Variants in SH3D19 observed in about 807,000 individuals in gnomAD.
The protein encoded by SH3D19 is SH3 domain containing 19, also known as SH3 domain-containing protein 19.
Under a neutral mutation model 112.1 loss-of-function variants are expected in SH3D19, and 58 were observed. The ratio of observed to expected loss-of-function variants is 0.52; its 90% CI spans 0.42 to 0.64. SH3D19 has a LOEUF of 0.64. Among genes scored for constraint, SH3D19 ranks in the 30% least tolerant of loss-of-function variants. The pLI is 0.00. For missense variants in SH3D19, 1,090 were observed against 1,263.4 expected (o/e 0.86, Z 2.08); for synonymous variants, 391 against 448.5 (o/e 0.87, Z 1.62).
intron 3 of SH3D19, among the ~76,000 whole-genome samples, chr4:151,181,107 C>T (rs986640364): frequency 6.6e-6 from 1 of 152,004 alleles, no homozygotes; most frequent in African/African-American, 2.4e-5. Flanking sequence ...TTCTAAAGAT[C>T]TCTTTGGGGA....
chr4:151,297,531 T>C (rs930001922), intron 1 of SH3D19, among the ~76,000 whole-genome samples: 7 of 152,214 alleles, frequency 4.6e-5, no homozygotes, highest in African/African-American at 1.2e-4. Context: ...AGTTGGGTAG[T>C]AGAAGCAAGA....
At chr4:151,275,968 G>A (rs186999268) in intron 1 of SH3D19, among the ~76,000 whole-genome samples, 1 of 151,406 alleles carries the variant, frequency 6.6e-6, no homozygotes, top group African/African-American at 2.4e-5. Flanking sequence ...TCAGCCTCCC[G>A]AGTAGCTGTG....
intron 2 of SH3D19, 31 bp from the exon 3 acceptor site, chr4:151,187,494 T>A (rs1761978931): frequency 8.3e-7 from 1 of 1,202,608 alleles, no homozygotes; most frequent in Non-Finnish European, 1.0e-6. Context: ...TATTATACAT[T>A]CATTAATCCT....
At chr4:151,281,141 C>G (rs891355675) in intron 1 of SH3D19, among the ~76,000 whole-genome samples, 1 of 152,068 alleles carries the variant, frequency 6.6e-6, no homozygotes, top group African/African-American at 2.4e-5. Flanking sequence ...CAGATTAGAA[C>G]AAGAGAGCAG....
chr4:151,156,381 A>G (rs1454003818), intron 9 of SH3D19, among the ~76,000 whole-genome samples: 1 of 152,226 alleles, frequency 6.6e-6, no homozygotes, highest in Non-Finnish European at 1.5e-5. Flanking sequence ...TCCTGAGCCA[A>G]AAGAACAAAG....
In SH3D19 at chr4:151,291,323, T is replaced by C. The variant is rs117303916; in HGVS notation, c.112+33918A>G. 2,083 of 1,613,996 alleles carry C rather than the reference T, an allele frequency of 1.3e-3. 14 individuals are homozygous for C. In the Admixed American group the frequency reaches 0.016, roughly 13 times the overall value. On this transcript the variant is annotated intron_variant, in intron 1 of 19. Coordinates refer to ENST00000604030, the MANE Select transcript of SH3D19 (RefSeq NM_001378122.1). The stretch of plus-strand genomic sequence containing the variant: ...TTGTTCCCTATTGTCCTACTCTCTC[T>C]GGCTCTCCTGCGTCCCTCCTGTGCC...
intron 1 of SH3D19, chr4:151,282,344 G>A: frequency 3.7e-6 from 6 of 1,613,900 alleles, no homozygotes; most frequent in Non-Finnish European, 5.1e-6. Context: ...CTTGCCCAGT[G>A]TCACAAAGCA....
At chr4:151,151,623 C>T (rs1755077761) in intron 9 of SH3D19, among the ~76,000 whole-genome samples, 1 of 152,110 alleles carries the variant, frequency 6.6e-6, no homozygotes, top group Non-Finnish European at 1.5e-5. Flanking sequence ...ACAAATTAAG[C>T]TTGCCCTTAA....
chr4:151,149,455 C>A, intron 10 of SH3D19, 45 bp downstream of exon 10: 1 of 1,494,992 alleles, frequency 6.7e-7, no homozygotes, highest in Non-Finnish European at 9.3e-7. Flanking sequence ...AGAGTTGGGT[C>A]TCTGAGTCAT....
intron 1 of SH3D19, among the ~76,000 whole-genome samples, chr4:151,310,094 T>C (rs1338949013): frequency 6.9e-6 from 1 of 144,072 alleles, no homozygotes; most frequent in African/African-American, 2.6e-5. Context: ...AGAAAGTCAG[T>C]TGAGCATGGT....
chr4:151,195,371 C>CAAAAAAAAA (rs58618820), intron 2 of SH3D19, among the ~76,000 whole-genome samples: 3 of 66,774 alleles, frequency 4.5e-5, no homozygotes, highest in African/African-American at 7.3e-5. Flanking sequence ...GACTCTGTCT[C>CAAAAAAAAA]AAAAAAAAAA....
At chr4:151,205,465 G>A (rs1485363619) in intron 2 of SH3D19, among the ~76,000 whole-genome samples, 1 of 152,196 alleles carries the variant, frequency 6.6e-6, no homozygotes, top group Non-Finnish European at 1.5e-5. Flanking sequence ...TGAACTGTGT[G>A]AGGAGTCTGG....
intron 12 of SH3D19, among the ~76,000 whole-genome samples, chr4:151,142,123 G>A (rs1337706192): frequency 6.6e-6 from 1 of 152,182 alleles, no homozygotes; most frequent in Non-Finnish European, 1.5e-5. Context: ...TAATGCAAAT[G>A]GTTTTGTAAT....
chr4:151,260,205 T>A (rs996473448), intron 1 of SH3D19, among the ~76,000 whole-genome samples: 5 of 152,210 alleles, frequency 3.3e-5, no homozygotes, highest in African/African-American at 1.2e-4. Flanking sequence ...ATTGTACCCA[T>A]TAAGTAATTT....
intron 13 of SH3D19, among the ~76,000 whole-genome samples, chr4:151,139,527 G>GTC (rs150271051): frequency 2.6e-5 from 4 of 151,866 alleles, no homozygotes; most frequent in African/African-American, 4.8e-5. Flanking sequence ...GTAAGGGAAA[G>GTC]TCTCTCTCTC....
chr4:151,212,211 T>A (rs1766080686), intron 2 of SH3D19, among the ~76,000 whole-genome samples: 2 of 152,238 alleles, frequency 1.3e-5, no homozygotes. Context: ...CAGAGTACAG[T>A]GCTGTGATCA....
At chr4:151,284,226 C>T (rs906736397) in intron 1 of SH3D19, among the ~76,000 whole-genome samples, 5 of 152,058 alleles carry the variant, frequency 3.3e-5, no homozygotes, top group African/African-American at 9.7e-5. Context: ...TAAGTTATAC[C>T]TTTTGGTATT....
intron 8 of SH3D19, among the ~76,000 whole-genome samples, chr4:151,161,188 T>C (rs1757084829): frequency 6.6e-6 from 1 of 152,052 alleles, no homozygotes; most frequent in Non-Finnish European, 1.5e-5. Context: ...AGCAAAGACC[T>C]GAAGGATTGG....
chr4:151,242,518 T>C (rs1343665513), intron 1 of SH3D19, among the ~76,000 whole-genome samples: 1 of 152,164 alleles, frequency 6.6e-6, no homozygotes, highest in African/African-American at 2.4e-5. Flanking sequence ...TGCAGTCCCA[T>C]GATCCAGGTG....
Sources: allele counts gnomAD v4.1 joint callset (sites outside exome capture counted in the v4.1 genomes callset), GRCh38; gene constraint gnomAD v4.1.1; transcripts MANE v1.5; gene names NCBI Gene and HGNC (gene_info 2026-07-23, HGNC 2026-07-21).